ADGRL2: variants seen among roughly 807,000 people sequenced by gnomAD.
ADGRL2 encodes calcium-independent alpha-latrotoxin receptor 2.
Under a neutral mutation model 157.4 loss-of-function variants are expected in ADGRL2, and 44 were observed. The observed-to-expected ratio is 0.28, with a 90% CI of 0.22 to 0.36. ADGRL2 has a LOEUF of 0.36. Ranked by LOEUF, ADGRL2 falls within the 10% of genes least tolerant of loss-of-function variation. ADGRL2 has a pLI of 1.00. For missense variants in ADGRL2, 1,510 were observed against 1,768.9 expected, an observed-to-expected ratio of 0.85 and a Z score of 2.63; for synonymous variants, 585 against 624.7, an observed-to-expected ratio of 0.94 and a Z score of 0.95.
At chr1:81,734,055 T>C (rs529217198) in intron 1 of ADGRL2, among the ~76,000 whole-genome samples, 329 of 152,204 alleles carry the variant, frequency 2.2e-3, no homozygotes, top group African/African-American at 7.4e-3. Flanking sequence ...AGTGGATGAA[T>C]CACCTGAGGT....
intron 3 of ADGRL2, among the ~76,000 whole-genome samples, chr1:81,592,544 C>A (rs1207484657): frequency 6.6e-6 from 1 of 152,118 alleles, no homozygotes; most frequent in Non-Finnish European, 1.5e-5. Context: ...CTTCTTAGGA[C>A]CCTTCTAGTG....
chr1:81,953,139 C>T (rs1276474922), intron 10 of ADGRL2, 114 bp downstream of exon 10: 1 of 806,534 alleles, frequency 1.2e-6, no homozygotes, highest in Non-Finnish European at 2.0e-6. Context: ...TATAATGTGC[C>T]CCATATCAGC....
chr1:81,760,634 AC>A (rs1485093209), intron 1 of ADGRL2, among the ~76,000 whole-genome samples: 1 of 151,972 alleles, frequency 6.6e-6, no homozygotes, highest in Non-Finnish European at 1.5e-5. Context: ...AAAAAAGTAT[AC>A]TAAAGCCAAA....
At chr1:81,772,025 A>C (rs1411749782) in intron 2 of ADGRL2, among the ~76,000 whole-genome samples, 1 of 152,146 alleles carries the variant, frequency 6.6e-6, no homozygotes, top group Non-Finnish European at 1.5e-5. Context: ...GGAGACAGGC[A>C]GATCACCTGT....
upstream of ADGRL2, among the ~76,000 whole-genome samples, chr1:81,697,800 A>C (rs2083475893): frequency 6.6e-6 from 1 of 152,212 alleles, no homozygotes; most frequent in African/African-American, 2.4e-5. Context: ...AGTTTTGTAA[A>C]AGTTCAAGCA....
intron 3 of ADGRL2, among the ~76,000 whole-genome samples, chr1:81,597,983 G>A (rs1188263185): frequency 6.6e-6 from 1 of 152,158 alleles, no homozygotes; most frequent in Non-Finnish European, 1.5e-5. Context: ...CAATTAAGGG[G>A]TAAAGAAGCT....
intron 2 of ADGRL2, chr1:81,557,525 G>GAAAGAAAGAAAGAA (rs1365888044): frequency 6.7e-5 from 10 of 148,700 alleles, no homozygotes; most frequent in Admixed American, 3.3e-4. Flanking sequence ...AAGAAAGAAA[G>GAAAGAAAGAAAGAA]AGAAGAAAGA....
rs368430814 is a variant in ADGRL2, at chr1:81,785,153, CA to C, written c.-101+23302del. Among the ~76,000 whole-genome samples, 413 of 152,220 alleles carry C rather than the reference CA, an allele frequency of 2.7e-3. 3 individuals carry two copies. Among genetic ancestry groups the C allele is most frequent in the African/African-American group, 9.5e-3 (394 of 41,538 alleles). On this transcript the variant is annotated intron_variant, in intron 2 of 20. Coordinates refer to the ADGRL2 transcript ENST00000359929. ...TTCATTTAAATGGAGTCTATTCCAT[CA>C]GTTGACAGATATTTGTTTTACTAAA...
chr1:81,429,113 T>A (rs546744219), intron 1 of ADGRL2, among the ~76,000 whole-genome samples: 1 of 142,724 alleles, frequency 7.0e-6, no homozygotes, highest in African/African-American at 2.6e-5. Flanking sequence ...ATTTGTGAAC[T>A]ACCCATGAGG....
chr1:81,473,590 A>C (rs760172605), intron 2 of ADGRL2, among the ~76,000 whole-genome samples: 1 of 152,194 alleles, frequency 6.6e-6, no homozygotes, highest in Non-Finnish European at 1.5e-5. Context: ...TTATATTTCT[A>C]CTGAACTGCA....
chr1:81,746,936 G>GTGCACACGTATATACGTA (rs2085274756), intron 1 of ADGRL2, among the ~76,000 whole-genome samples: 1 of 145,086 alleles, frequency 6.9e-6, no homozygotes, highest in African/African-American at 2.5e-5. Context: ...ATATACACAC[G>GTGCACACGTATATACGTA]TATACACATG....
At chr1:81,962,208 C>T (rs965803561) in intron 11 of ADGRL2, among the ~76,000 whole-genome samples, 17 of 152,172 alleles carry the variant, frequency 1.1e-4, no homozygotes, top group Admixed American at 5.9e-4. Context: ...ATTGACATAA[C>T]TGTTGTCAAT....
At chr1:81,810,460 C>T (rs1015190853) in intron 1 of ADGRL2, among the ~76,000 whole-genome samples, 6 of 151,740 alleles carry the variant, frequency 4.0e-5, no homozygotes, top group Non-Finnish European at 8.9e-5. Flanking sequence ...AAAAGCCTAC[C>T]ATTTTATAGT....
intron 1 of ADGRL2, among the ~76,000 whole-genome samples, chr1:81,346,592 A>T (rs1239029796): frequency 6.6e-6 from 1 of 152,160 alleles, no homozygotes; most frequent in Non-Finnish European, 1.5e-5. Context: ...CTGTGACTTT[A>T]TAAGTAGAGA....
At chr1:81,495,187 A>C (rs1254021632) in intron 2 of ADGRL2, among the ~76,000 whole-genome samples, 1 of 152,160 alleles carries the variant, frequency 6.6e-6, no homozygotes, top group Non-Finnish European at 1.5e-5. Context: ...GGCGGATGTC[A>C]TTAGCATATT....
At chr1:81,434,791 G>A (rs1159044550) in intron 1 of ADGRL2, among the ~76,000 whole-genome samples, 1 of 152,184 alleles carries the variant, frequency 6.6e-6, no homozygotes, top group African/African-American at 2.4e-5. Context: ...GGAAGCTGCA[G>A]GTGGTCATTC....
intron 3 of ADGRL2, among the ~76,000 whole-genome samples, chr1:81,596,833 C>T (rs2081244168): frequency 6.6e-6 from 1 of 152,034 alleles, no homozygotes; most frequent in African/African-American, 2.4e-5. Context: ...AGCTTTCTGC[C>T]TTAATATTTG....
intron 2 of ADGRL2, among the ~76,000 whole-genome samples, chr1:81,561,564 G>A (rs1293243491): frequency 2.7e-5 from 4 of 150,370 alleles, no homozygotes; most frequent in African/African-American, 4.9e-5. Flanking sequence ...GGGTTCAAGC[G>A]ATTCTCCCAT....
At chr1:81,411,763 C>A (rs929135060) in intron 1 of ADGRL2, among the ~76,000 whole-genome samples, 1 of 151,796 alleles carries the variant, frequency 6.6e-6, no homozygotes, top group Non-Finnish European at 1.5e-5. Context: ...GCCTGTAGTC[C>A]CAGCTACTCG....
Sources: gnomAD v4.1 joint callset for allele counts (sites outside exome capture counted in the v4.1 genomes callset) on GRCh38, gnomAD v4.1.1 for gene constraint, MANE v1.5 for transcripts, NCBI Gene and HGNC (gene_info 2026-07-23, HGNC 2026-07-21) for gene names.